The following TXNDC9 variants were observed in gnomAD, a reference collection of about 807,000 sequenced individuals.
The protein encoded by TXNDC9 is thioredoxin domain-containing protein 9.
TXNDC9 carries 7 observed loss-of-function variants against 23.0 expected under a neutral mutation model. The ratio of observed to expected loss-of-function variants is 0.30; its 90% CI spans 0.17 to 0.57. The LOEUF is 0.57. TXNDC9 is among the 20% of genes least tolerant of loss of function. TXNDC9 has a pLI of 0.90. For missense variants in TXNDC9, 198 were observed against 252.6 expected (o/e 0.78, Z 1.47); for synonymous variants, 72 against 90.6 (o/e 0.79, Z 1.17).
At chr2:99,320,349 AAC>A (rs1176026387) in intron 4 of TXNDC9, among the ~76,000 whole-genome samples, 1 of 152,170 alleles carries the variant, frequency 6.6e-6, no homozygotes, top group Non-Finnish European at 1.5e-5. Context: ...ACATTTGGTT[AAC>A]ACAGTGCTCA....
At chr2:99,333,861 T>C (rs2094231764) in intron 1 of TXNDC9, among the ~76,000 whole-genome samples, 1 of 152,214 alleles carries the variant, frequency 6.6e-6, no homozygotes, top group Admixed American at 6.5e-5. Context: ...AAAAAGTCTA[T>C]GAGGTCACAA....
intron 3 of TXNDC9, 50 bp from the exon 4 acceptor site, chr2:99,322,259 T>C: frequency 1.9e-6 from 3 of 1,562,662 alleles, no homozygotes; most frequent in Non-Finnish European, 1.7e-6. Context: ...ACAGATCGCT[T>C]TTTTCAAAAT....
At chr2:99,309,990 G>A in the TXNDC9 span, among the ~76,000 whole-genome samples, 8 of 152,086 alleles carry the variant, frequency 5.3e-5, no homozygotes, top group South Asian at 4.2e-4. Context: ...CAGCCTCCTC[G>A]GGCAAATTTC....
chr2:99,318,509 C>A (rs1173754663), downstream of TXNDC9, among the ~76,000 whole-genome samples: 1 of 152,162 alleles, frequency 6.6e-6, no homozygotes, highest in Non-Finnish European at 1.5e-5. Flanking sequence ...TTCCACTGGA[C>A]AGAACCTCTG....
intron 2 of TXNDC9, 41 bp downstream of exon 2, chr2:99,332,981 T>C (rs2094229577): frequency 6.6e-7 from 1 of 1,513,534 alleles, no homozygotes; most frequent in Non-Finnish European, 9.2e-7. Context: ...GTTAGGCGCA[T>C]ACTGTTATAG....
At chr2:99,316,957 G>T (rs201605740), downstream of TXNDC9, among the ~76,000 whole-genome samples, 45 of 152,070 alleles carry the variant, frequency 3.0e-4, no homozygotes, top group South Asian at 6.6e-3. Context: ...GGGGTTTCAC[G>T]GTGTTAGCCA....
the TXNDC9 span, among the ~76,000 whole-genome samples, chr2:99,312,537 C>T: frequency 6.6e-6 from 1 of 150,964 alleles, no homozygotes; most frequent in Non-Finnish European, 1.5e-5. Context: ...TTCATATGTA[C>T]CATCTGCACA....
intron 3 of TXNDC9, chr2:99,322,810 G>A (rs900575869): frequency 1.5e-5 from 15 of 1,025,704 alleles, no homozygotes; most frequent in Non-Finnish European, 1.8e-5. Flanking sequence ...CCCCCAGGCT[G>A]GAGTGCAGTG....
chr2:99,324,731 G>A (rs1181297678), intron 3 of TXNDC9, among the ~76,000 whole-genome samples: 2 of 151,978 alleles, frequency 1.3e-5, no homozygotes, highest in African/African-American at 4.8e-5. Flanking sequence ...CCGCACCATT[G>A]CCTGGCTAAT....
intron 2 of TXNDC9, among the ~76,000 whole-genome samples, chr2:99,332,221 T>C (rs930520873): frequency 6.6e-6 from 1 of 152,192 alleles, no homozygotes; most frequent in Non-Finnish European, 1.5e-5. Context: ...GGTGGGCGGA[T>C]CACTTGAGGT....
chr2:99,306,354 G>T, the TXNDC9 span, among the ~76,000 whole-genome samples: 1 of 152,272 alleles, frequency 6.6e-6, no homozygotes, highest in African/African-American at 2.4e-5. Flanking sequence ...AGGTCTGAAA[G>T]GACAAGCCAG....
chr2:99,335,725 G>A (rs907359069), intron 1 of TXNDC9, among the ~76,000 whole-genome samples: 39 of 152,160 alleles, frequency 2.6e-4, no homozygotes, highest in Middle Eastern at 3.2e-3. Flanking sequence ...AATGAGCCCA[G>A]AATTTAATTA....
intron 3 of TXNDC9, chr2:99,322,846 C>G (rs546412571): frequency 1.4e-4 from 89 of 639,552 alleles, no homozygotes; most frequent in Non-Finnish European, 1.9e-4. Context: ...ACTGCAAGCT[C>G]CGCCTCCCTG....
chr2:99,316,019 G>C (rs927960379), downstream of TXNDC9, among the ~76,000 whole-genome samples: 3 of 151,550 alleles, frequency 2.0e-5, no homozygotes, highest in Admixed American at 6.6e-5. Flanking sequence ...TTTTGAATTT[G>C]TTGAATTTGC....
intron 2 of TXNDC9, among the ~76,000 whole-genome samples, chr2:99,327,938 G>C (rs1294419617): frequency 1.3e-5 from 2 of 151,578 alleles, no homozygotes; most frequent in Non-Finnish European, 2.9e-5. Context: ...GCGGGCACCA[G>C]TATGTCCAGC....
chr2:99,310,310 C>G, the TXNDC9 span, among the ~76,000 whole-genome samples: 6 of 152,156 alleles, frequency 3.9e-5, no homozygotes, highest in East Asian at 1.9e-4. Context: ...GAGTCTCACT[C>G]TGTTGTCCAG....
At chr2:99,331,485 G>T (rs1249625098) in intron 2 of TXNDC9, among the ~76,000 whole-genome samples, 2 of 149,262 alleles carry the variant, frequency 1.3e-5, no homozygotes, top group African/African-American at 2.5e-5. Flanking sequence ...AAGGCAGGAT[G>T]GGCAACAGAG....
chr2:99,333,897 G>A (rs1198840924), intron 1 of TXNDC9, among the ~76,000 whole-genome samples: 1 of 152,172 alleles, frequency 6.6e-6, no homozygotes, highest in Non-Finnish European at 1.5e-5. Context: ...TCCATTTACT[G>A]ACAGTGTTAA....
chr2:99,321,324 A>G (rs1405605283), intron 4 of TXNDC9: 1 of 152,216 alleles, frequency 6.6e-6, no homozygotes, highest in African/African-American at 2.4e-5. Context: ...AAAAGACAAG[A>G]TGATATGCTC....
Sources: allele counts gnomAD v4.1 joint callset (sites outside exome capture counted in the v4.1 genomes callset), GRCh38; gene constraint gnomAD v4.1.1; transcripts MANE v1.5; gene names NCBI Gene and HGNC (gene_info 2026-07-23, HGNC 2026-07-21).